ASIC2: variants seen among roughly 807,000 people sequenced by gnomAD.
ASIC2 encodes acid-sensing ion channel 2.
In ASIC2, 25 loss-of-function variants were observed where a neutral mutation model predicts 57.3. The observed-to-expected ratio is 0.44, with a 90% CI of 0.32 to 0.61. The LOEUF is 0.61. Among genes scored for constraint, ASIC2 ranks in the 20% least tolerant of loss-of-function variants. The pLI, the probability that ASIC2 is intolerant of heterozygous loss-of-function variation, is 0.06. For synonymous variants in ASIC2, 319 were observed against 307.5 expected (o/e 1.04, Z -0.39); for missense variants, 641 against 738.1 (o/e 0.87, Z 1.52).
At chr17:33,854,672 C>A (rs1199074897) in intron 1 of ASIC2, among the ~76,000 whole-genome samples, 1 of 152,124 alleles carries the variant, frequency 6.6e-6, no homozygotes, top group Non-Finnish European at 1.5e-5. Context: ...CTAAGCTGTG[C>A]CAACCTGCAC....
intron 1 of ASIC2, among the ~76,000 whole-genome samples, chr17:33,691,115 A>G (rs186438875): frequency 6.6e-6 from 1 of 152,314 alleles, no homozygotes; most frequent in Admixed American, 6.5e-5. Context: ...TAATTTATTC[A>G]GTTCATATAC....
At position 33,090,170 on chromosome 17, in the gene ASIC2, A is replaced by T. The variant is rs906130800; in HGVS notation, c.860-1180T>A. ...CACAAATGCATCTCCTTCTGCCCAG[A>T]ATGTCTTTCTACCTTGTCCACCTGA... On this transcript the variant is annotated intron_variant, in intron 2 of 9. Coordinates refer to ENST00000225823, the MANE Select transcript of ASIC2 (RefSeq NM_183377.2). 9.2e-5 allele frequency among the ~76,000 whole-genome samples: 14 copies of T among 152,242 alleles called. No homozygotes were observed. The East Asian group carries it at 2.7e-3, about 29-fold the overall frequency.
intron 1 of ASIC2, among the ~76,000 whole-genome samples, chr17:34,079,973 T>C (rs1257207729): frequency 1.2e-5 from 1 of 82,356 alleles, no homozygotes; most frequent in African/African-American, 4.8e-5. Context: ...TTCTTGCATG[T>C]AGGGTAAGAT....
chr17:33,438,998 A>G (rs1911730090), intron 1 of ASIC2, among the ~76,000 whole-genome samples: 2 of 152,076 alleles, frequency 1.3e-5, no homozygotes, highest in Non-Finnish European at 2.9e-5. Context: ...CATTTGCCAC[A>G]ATGCCCAGCT....
intron 1 of ASIC2, among the ~76,000 whole-genome samples, chr17:33,790,289 C>A (rs562864404): frequency 3.3e-5 from 5 of 152,148 alleles, no homozygotes; most frequent in African/African-American, 1.2e-4. Context: ...ATTTTTTTGA[C>A]CAACTATGCT....
chr17:34,094,776 T>C (rs990857589), intron 1 of ASIC2, among the ~76,000 whole-genome samples: 1 of 152,218 alleles, frequency 6.6e-6, no homozygotes, highest in Non-Finnish European at 1.5e-5. Flanking sequence ...AATTCATGCA[T>C]TAGTAAATTT....
chr17:33,393,230 C>T (rs1179437784), intron 1 of ASIC2, among the ~76,000 whole-genome samples: 2 of 152,144 alleles, frequency 1.3e-5, no homozygotes, highest in Admixed American at 6.5e-5. Context: ...ATAATCTTCC[C>T]AATGTACCTT....
chr17:33,844,481 G>A lies in ASIC2; in HGVS notation c.555+311497C>T, dbSNP rs554422198. Reference sequence around the variant, plus strand: ...CTTTATCATAAAATCGACTGTTGCCGGCATCCAAGTAAACAAGGACCATGA... The same window carrying A: ...CTTTATCATAAAATCGACTGTTGCCAGCATCCAAGTAAACAAGGACCATGA... On this transcript the variant is annotated intron_variant, in intron 1 of 9. Coordinates refer to the ASIC2 transcript ENST00000359872. Among the ~76,000 whole-genome samples, 7 of 152,184 alleles carry A rather than the reference G, an allele frequency of 4.6e-5. No homozygotes were observed. In the East Asian group the frequency reaches 5.8e-4, roughly 13 times the overall value.
At chr17:33,538,150 C>G (rs1299111425) in intron 1 of ASIC2, among the ~76,000 whole-genome samples, 1 of 152,196 alleles carries the variant, frequency 6.6e-6, no homozygotes, top group Non-Finnish European at 1.5e-5. Context: ...TCTTTTTAAC[C>G]TTCCTGCCTG....
At chr17:33,641,254 CAG>C (rs1226485927) in intron 1 of ASIC2, among the ~76,000 whole-genome samples, 9 of 152,186 alleles carry the variant, frequency 5.9e-5, no homozygotes, top group Admixed American at 1.3e-4. Flanking sequence ...TGGCTATAGA[CAG>C]GGCTGAGAGA....
intron 1 of ASIC2, among the ~76,000 whole-genome samples, chr17:33,425,673 G>C (rs1359289756): frequency 6.6e-6 from 1 of 152,124 alleles, no homozygotes; most frequent in African/African-American, 2.4e-5. Context: ...AAACAGAAGG[G>C]ATGGGGAGAA....
rs562837949 is a variant in ASIC2 at position 34,128,931 on chromosome 17, G to A, written c.555+27047C>T. On this transcript the variant is annotated intron_variant, in intron 1 of 9. Coordinates refer to the ASIC2 transcript ENST00000359872. ...TTAATCCACCTGTGGTTGGGGTTTC[G>A]GCTAGTTATTTTTCATATCAACAAG... 2.6e-3 allele frequency among the ~76,000 whole-genome samples: 389 copies of A among 152,090 alleles called. 1 individual carries two copies. Among genetic ancestry groups the A allele is most frequent in the African/African-American group, 8.6e-3 (358 of 41,458 alleles).
chr17:34,059,059 G>A lies in ASIC2; in HGVS notation c.555+96919C>T, dbSNP rs982045291. Among the ~76,000 whole-genome samples the A allele has an allele frequency of 5.3e-5, 8 of 152,200 alleles. No individual in the cohort carries two copies. The East Asian group carries it at 5.8e-4, about 11-fold the overall frequency. ...AGAGCAGCATGTGGAGGCTTGCACTGTAGATTTGAGCTCTGGATCAACTGC... is the reference window on the plus strand; with the variant it reads ...AGAGCAGCATGTGGAGGCTTGCACTATAGATTTGAGCTCTGGATCAACTGC... On this transcript the variant is annotated intron_variant, in intron 1 of 9. Coordinates refer to the ASIC2 transcript ENST00000359872.
chr17:33,272,620 C>T (rs138612066), intron 1 of ASIC2, among the ~76,000 whole-genome samples: 13 of 152,256 alleles, frequency 8.5e-5, no homozygotes, highest in Admixed American at 2.0e-4. Context: ...CCTCCATCAT[C>T]GTCATCGTGA....
chr17:33,240,123 G>A (rs1359102031), intron 1 of ASIC2, among the ~76,000 whole-genome samples: 1 of 152,210 alleles, frequency 6.6e-6, no homozygotes, highest in Non-Finnish European at 1.5e-5. Flanking sequence ...CACAGCCTAA[G>A]ATAGTTGATC....
At chr17:33,527,860 A>G (rs551007706) in intron 1 of ASIC2, among the ~76,000 whole-genome samples, 1 of 152,244 alleles carries the variant, frequency 6.6e-6, no homozygotes, top group Admixed American at 6.5e-5. Flanking sequence ...CACTGTCCCA[A>G]TCCAGGCCTC....
chr17:33,902,500 C>A (rs1448758971), intron 1 of ASIC2, among the ~76,000 whole-genome samples: 2 of 152,192 alleles, frequency 1.3e-5, no homozygotes, highest in Non-Finnish European at 2.9e-5. Context: ...AGAAGTATGT[C>A]CACTTCAGCA....
At chr17:33,724,835 T>TACAC (rs10685018) in intron 1 of ASIC2, among the ~76,000 whole-genome samples, 52 of 150,812 alleles carry the variant, frequency 3.4e-4, no homozygotes, top group East Asian at 7.8e-4. Flanking sequence ...CCCCAACACA[T>TACAC]ACACACACAC....
intron 1 of ASIC2, among the ~76,000 whole-genome samples, chr17:33,198,315 G>A (rs187203213): frequency 6.6e-6 from 1 of 152,232 alleles, no homozygotes; most frequent in African/African-American, 2.4e-5. Flanking sequence ...TTGCACCACT[G>A]CACTCCAGTC....
Sources: allele counts gnomAD v4.1 joint callset (sites outside exome capture counted in the v4.1 genomes callset), GRCh38; gene constraint gnomAD v4.1.1; transcripts MANE v1.5; gene names NCBI Gene and HGNC (gene_info 2026-07-23, HGNC 2026-07-21).